NRG1: variants seen among roughly 807,000 people sequenced by gnomAD.
NRG1 encodes neuregulin 1, also known as pro-neuregulin-1, membrane-bound isoform.
A neutral mutation model predicts 63.8 loss-of-function variants in NRG1; 18 were observed. That is an observed-to-expected ratio of 0.28 (90% CI 0.19 to 0.42). NRG1 has a LOEUF of 0.42. Ranked by LOEUF, NRG1 falls within the 10% of genes least tolerant of loss-of-function variation. NRG1 has a pLI of 1.00. For synonymous variants in NRG1, 302 were observed against 301.3 expected (o/e 1.00, Z -0.02); for missense variants, 762 against 814.7 (o/e 0.94, Z 0.79).
At chr8:31,838,055 C>A (rs1367465500) in intron 1 of NRG1, among the ~76,000 whole-genome samples, 2 of 152,160 alleles carry the variant, frequency 1.3e-5, no homozygotes, top group East Asian at 1.9e-4. Flanking sequence ...ATACTGTTTT[C>A]CACAATGGTA....
At chr8:32,457,129 CA>C (rs1235801974) in intron 1 of NRG1, among the ~76,000 whole-genome samples, 1 of 151,882 alleles carries the variant, frequency 6.6e-6, no homozygotes, top group Non-Finnish European at 1.5e-5. Context: ...GAGACTTTCT[CA>C]AAAAAATAAA....
intron 1 of NRG1, among the ~76,000 whole-genome samples, chr8:31,887,158 T>C (rs1251827454): frequency 6.6e-6 from 1 of 152,050 alleles, no homozygotes; most frequent in Non-Finnish European, 1.5e-5. Context: ...TGTTTCCTGT[T>C]ACAGAAAAGG....
intron 1 of NRG1, among the ~76,000 whole-genome samples, chr8:31,824,811 C>T (rs550325284): frequency 5.4e-4 from 82 of 152,308 alleles, no homozygotes; most frequent in African/African-American, 1.9e-3. Flanking sequence ...AGCATACACA[C>T]ATACACAACA....
chr8:32,521,422 T>C (rs1286529342), intron 1 of NRG1, among the ~76,000 whole-genome samples: 3 of 152,170 alleles, frequency 2.0e-5, no homozygotes, highest in Admixed American at 6.6e-5. Context: ...TTATTGGAGA[T>C]CATGGAACTG....
At chr8:32,084,914 TAATTCAG>T (rs1304169125) in intron 1 of NRG1, among the ~76,000 whole-genome samples, 1 of 152,198 alleles carries the variant, frequency 6.6e-6, no homozygotes, top group African/African-American at 2.4e-5. Context: ...GGAGTGATTT[TAATTCAG>T]AAGTATATTG....
intron 1 of NRG1, among the ~76,000 whole-genome samples, chr8:32,531,109 GGAAA>G (rs1163721807): frequency 4.5e-5 from 6 of 134,320 alleles, no homozygotes; most frequent in Non-Finnish European, 7.0e-5. Flanking sequence ...AAGAAAGAAA[GGAAA>G]GAAAGAAAGA....
chr8:32,631,557 C>A (rs1401102101), intron 5 of NRG1, among the ~76,000 whole-genome samples: 1 of 152,076 alleles, frequency 6.6e-6, no homozygotes, highest in African/African-American at 2.4e-5. Context: ...GTAGGCATTT[C>A]TTTGTTAGTC....
At chr8:32,558,484 G>A (rs754765238) in intron 1 of NRG1, among the ~76,000 whole-genome samples, 36 of 152,196 alleles carry the variant, frequency 2.4e-4, no homozygotes, top group South Asian at 1.9e-3. Context: ...GCTCTGCCCT[G>A]AGTGCACCAG....
intron 1 of NRG1, among the ~76,000 whole-genome samples, chr8:32,226,375 G>T (rs570735725): frequency 6.6e-6 from 1 of 152,048 alleles, no homozygotes; most frequent in African/African-American, 2.4e-5. Context: ...CCAAGGGCTC[G>T]CTACGTATGT....
chr8:31,657,162 T>G (rs1298106366), intron 1 of NRG1, among the ~76,000 whole-genome samples: 1 of 152,230 alleles, frequency 6.6e-6, no homozygotes, highest in African/African-American at 2.4e-5. Flanking sequence ...GAATTTCCTG[T>G]TTTCATTTAT....
intron 1 of NRG1, among the ~76,000 whole-genome samples, chr8:32,169,248 C>T (rs557576346): frequency 6.6e-6 from 1 of 152,312 alleles, no homozygotes; most frequent in East Asian, 1.9e-4. Context: ...ATCCTGCTTT[C>T]TCTGTCCATA....
chr8:32,366,389 T>A (rs1807986797), intron 1 of NRG1, among the ~76,000 whole-genome samples: 1 of 152,026 alleles, frequency 6.6e-6, no homozygotes, highest in Non-Finnish European at 1.5e-5. Context: ...ACCATTTTAC[T>A]CTCTACCTCC....
chr8:32,019,568 T>G (rs755386768), intron 1 of NRG1, among the ~76,000 whole-genome samples: 3 of 152,222 alleles, frequency 2.0e-5, no homozygotes, highest in African/African-American at 4.8e-5. Context: ...TTTCCTTTTT[T>G]GTGTTTAGTT....
At chr8:31,765,049 C>A (rs1362731440) in intron 1 of NRG1, among the ~76,000 whole-genome samples, 1 of 151,730 alleles carries the variant, frequency 6.6e-6, no homozygotes, top group Non-Finnish European at 1.5e-5. Flanking sequence ...CAAGTTAGAA[C>A]TATTGTTATA....
rs1197585593 is a variant in NRG1 at position 32,630,679 on chromosome 8, TAA to T, written c.502+13795_502+13796del. Among the ~76,000 whole-genome samples the T allele has an allele frequency of 2.0e-5, 3 of 152,100 alleles. No individual in the cohort carries two copies. In the East Asian group the frequency reaches 5.8e-4, roughly 29 times the overall value. ...TTATTTGTTTTAACAATCCCTATGT[TAA>T]GTTTTCTTTTTTCTATGTTTCAATT... On this transcript the variant is annotated intron_variant, in intron 5 of 11. Coordinates refer to ENST00000356819, the Ensembl canonical transcript of NRG1.
chr8:32,171,625 G>A (rs1046352836), intron 1 of NRG1, among the ~76,000 whole-genome samples: 1 of 152,140 alleles, frequency 6.6e-6, no homozygotes, highest in South Asian at 2.1e-4. Context: ...GACGGCACCT[G>A]GAAAATCGGG....
At chr8:32,132,866 AG>A (rs1317614396) in intron 1 of NRG1, among the ~76,000 whole-genome samples, 1 of 152,108 alleles carries the variant, frequency 6.6e-6, no homozygotes, top group Non-Finnish European at 1.5e-5. Context: ...TTTGCAGCTA[AG>A]GAAGTTTTAC....
intron 2 of NRG1, among the ~76,000 whole-genome samples, chr8:32,598,742 A>G (rs1185716238): frequency 6.6e-6 from 1 of 152,138 alleles, no homozygotes; most frequent in Non-Finnish European, 1.5e-5. Flanking sequence ...AGAAGCGATC[A>G]TCTTATCAGT....
intron 5 of NRG1, chr8:32,648,161 A>G (rs1167184146): frequency 1.9e-6 from 3 of 1,614,114 alleles, no homozygotes; most frequent in Admixed American, 1.7e-5. Flanking sequence ...CTAGGGCTCA[A>G]TCTGAAAGTG....
Sources: allele counts gnomAD v4.1 joint callset (sites outside exome capture counted in the v4.1 genomes callset), GRCh38; gene constraint gnomAD v4.1.1; transcripts MANE v1.5; gene names NCBI Gene and HGNC (gene_info 2026-07-23, HGNC 2026-07-21).